CBX8: variants seen among roughly 807,000 people sequenced by gnomAD.
The protein encoded by CBX8 is chromobox 8.
Under a neutral mutation model 39.7 loss-of-function variants are expected in CBX8, and 8 were observed. That is an observed-to-expected ratio of 0.20 (90% CI 0.12 to 0.36). The LOEUF (loss-of-function observed/expected upper bound fraction) is 0.36. CBX8 is among the 10% of genes least tolerant of loss of function. CBX8 has a pLI of 1.00. For synonymous variants in CBX8, 268 were observed against 219.8 expected, an observed-to-expected ratio of 1.22 and a Z score of -1.94; for missense variants, 505 against 529.6, an observed-to-expected ratio of 0.95 and a Z score of 0.46.
intron 3 of CBX8, 33 bp from the exon 4 acceptor site, chr17:79,796,156 G>A: frequency 6.2e-7 from 1 of 1,613,130 alleles, no homozygotes; most frequent in Middle Eastern, 1.7e-4. Flanking sequence ...AAGGGTGCGT[G>A]AGTAAAGAAA....
In CBX8 at chr17:79,794,422, A is replaced by G. The variant is rs1907989686; in HGVS notation, c.*213T>C. 8.4e-6 allele frequency: 3 copies of G among 357,478 alleles called. 1 individual carries two copies. In the East Asian group the frequency reaches 1.3e-4, roughly 16 times the overall value. 22.1% of individuals were successfully genotyped at this position (357,478 alleles called of 1,614,324 possible). A position where few individuals can be genotyped will look rare whatever the true frequency, so the allele number is the denominator to read the frequency against. On this transcript the variant is annotated 3_prime_UTR_variant, in exon 5 of 5. Transcript: ENST00000269385. ...TTTAGATATTTTTCTTAAATAACAT[A>G]TTTACATCTAATAGAAAATATAACT...
At chr17:79,796,337 T>A in intron 2 of CBX8, 22 bp from the exon 3 acceptor site, 2 of 1,613,520 alleles carry the variant, frequency 1.2e-6, no homozygotes, top group Non-Finnish European at 1.7e-6. Flanking sequence ...CAGGAAGAAG[T>A]GGGCATCAGT....
At chr17:79,796,777 C>A (rs1265155420) in intron 1 of CBX8, among the ~76,000 whole-genome samples, 153 bp downstream of exon 1, 1 of 141,074 alleles carries the variant, frequency 7.1e-6, no homozygotes, top group Non-Finnish European at 1.5e-5. Flanking sequence ...AAGGAAAGCG[C>A]CTGGGCTCAG....
At position 79,795,344 on chromosome 17, in the gene CBX8, C is replaced by A; in HGVS notation, c.461G>T (p.Arg154Leu). Residue 154 changes from arginine (R) to leucine (L), a missense_variant, in exon 5 of 5, where the codon CGG becomes CTG. Arg to Leu is a moderately radical substitution (Grantham distance 102, BLOSUM62 -2). Coordinates refer to ENST00000269385, the MANE Select transcript of CBX8 (RefSeq NM_020649.3). The surrounding 1 kb of genome is among the most constrained non-coding windows in gnomAD (Gnocchi z 5.8). The part of the protein sequence containing the change: ...AEAPRDRDRD[R>L]DRDRERDRER... ...TCGATCCCGCTCCCGGTCCCTATCC[C>A]GGTCTCGGTCCCGGTCCCGAGGGGC... 1 of 1,588,926 alleles carries A rather than the reference C, an allele frequency of 6.3e-7. No individual in the cohort carries two copies. The highest frequency in any genetic ancestry group is 8.6e-7 in the Non-Finnish European group (1 of 1,167,632).
chr17:79,794,594 CTCTCTCCCCT>C lies in CBX8; in HGVS notation c.*31_*40del. 1 of 1,442,292 alleles carries C rather than the reference CTCTCTCCCCT, an allele frequency of 6.9e-7. No homozygotes were observed. The highest frequency in any genetic ancestry group is 9.4e-7 in the Non-Finnish European group (1 of 1,067,070). The allele number at this position is 1,442,292 out of a possible 1,614,324, so 89.3% of individuals were successfully genotyped here. On this transcript the variant is annotated 3_prime_UTR_variant, in exon 5 of 5. Transcript: ENST00000269385. ...AATCACTATGCCAAGCTCACGCTCA[CTCTCTCCCCT>C]GCTCTCCTCCTGGACACACCCACCC...
At position 79,792,891 on chromosome 17, in the gene CBX8, G is replaced by T. The variant is rs1310283859; in HGVS notation, c.*1744C>A. 7.5e-6 allele frequency: 1 copy of T among 133,924 alleles called. No individual in the cohort carries two copies. The highest frequency in any genetic ancestry group is 1.6e-5 in the Non-Finnish European group (1 of 61,644). The allele number at this position is 133,924 out of a possible 1,614,324, so 8.3% of individuals were successfully genotyped here. A position where few individuals can be genotyped will look rare whatever the true frequency, so the allele number is the denominator to read the frequency against. ...CCTCCCAGCACCCCCCACCCCACGCGAAGCTCCCCCACCCCCGACTCCCCG... is the reference window on the plus strand; with the variant it reads ...CCTCCCAGCACCCCCCACCCCACGCTAAGCTCCCCCACCCCCGACTCCCCG... On this transcript the variant is annotated 3_prime_UTR_variant, in exon 5 of 5. Coordinates refer to ENST00000269385, the MANE Select transcript of CBX8 (RefSeq NM_020649.3).
chr17:79,795,630 C>T lies in CBX8; in HGVS notation c.247-72G>A, dbSNP rs1032500846. On this transcript the variant is annotated intron_variant, in intron 4 of 4. Coordinates refer to ENST00000269385, the MANE Select transcript of CBX8 (RefSeq NM_020649.3). This position sits in a 1 kb window ranked among gnomAD's most constrained non-coding sequence, Gnocchi z 5.8. ...CCCCCACAGGACTCCTCCTCTATCC[C>T]TGACCTCCTATCTTTACCCTATGAT... 1.9e-6 allele frequency: 2 copies of T among 1,065,786 alleles called. No individual in the cohort carries two copies. The highest frequency in any genetic ancestry group is 2.5e-6 in the Non-Finnish European group (2 of 810,718). The allele number at this position is 1,065,786 out of a possible 1,614,324, so 66.0% of individuals were successfully genotyped here. A position where few individuals can be genotyped will look rare whatever the true frequency, so the allele number is the denominator to read the frequency against.
At position 79,794,694 on chromosome 17, in the gene CBX8, A is replaced by G. The variant is rs761806531; in HGVS notation, c.1111T>C (p.Leu371=). 3.1e-6 allele frequency: 5 copies of G among 1,596,510 alleles called. No homozygotes were observed. The highest frequency in any genetic ancestry group is 2.2e-5 in the East Asian group (1 of 44,826). ...VVVTDVTSNF[L]TVTIKESNTD... is the part of the protein sequence containing the mutation. ...TTACTTTCCTTAATGGTGACGGTCAAAAAGTTTGAGGTCACGTCCGTGACC... is the reference window on the plus strand; with the variant it reads ...TTACTTTCCTTAATGGTGACGGTCAGAAAGTTTGAGGTCACGTCCGTGACC... Residue 371 remains leucine (L), a synonymous_variant, in exon 5 of 5, where the codon TTG becomes CTG. Coordinates refer to ENST00000269385, the MANE Select transcript of CBX8 (RefSeq NM_020649.3).
Position 79,795,350 on chromosome 17 carries a change from C to T in CBX8, c.455G>A (p.Arg152Gln), listed in dbSNP as rs762352348. 10 of 1,588,332 alleles carry T rather than the reference C, an allele frequency of 6.3e-6. No individual in the cohort carries two copies. Among genetic ancestry groups the T allele is most frequent in the African/African-American group, 1.3e-5 (1 of 74,656 alleles). ...CRAEAPRDRDRDRDRDRERDR... is the reference protein window; with the variant it reads ...CRAEAPRDRDQDRDRDRERDR... ...CCGCTCCCGGTCCCTATCCCGGTCTCGGTCCCGGTCCCGAGGGGCCTCTGC... is the reference window on the plus strand; with the variant it reads ...CCGCTCCCGGTCCCTATCCCGGTCTTGGTCCCGGTCCCGAGGGGCCTCTGC... Residue 152 changes from arginine (R) to glutamine (Q), a missense_variant, in exon 5 of 5, where the codon CGA becomes CAA. Transcript: ENST00000269385. This position sits in a 1 kb window ranked among gnomAD's most constrained non-coding sequence, Gnocchi z 5.8.
chr17:79,795,878 C>T lies in CBX8; in HGVS notation c.246+179G>A, dbSNP rs59416856. ...AAAGGAATTCTAGTGTGGCCAAGCC[C>T]GTCCCCCCAGACACAGTTGGTGCTG... On this transcript the variant is annotated intron_variant, in intron 4 of 4. Coordinates refer to ENST00000269385, the MANE Select transcript of CBX8 (RefSeq NM_020649.3). The surrounding 1 kb of genome is among the most constrained non-coding windows in gnomAD (Gnocchi z 5.8). Among the ~76,000 whole-genome samples the T allele has an allele frequency of 0.092, 14,016 of 152,168 alleles. 736 individuals are homozygous for T. The highest frequency in any genetic ancestry group is 0.13 in the African/African-American group (5,459 of 41,498).
chr17:79,796,862 G>C lies in CBX8; in HGVS notation c.69+68C>G, dbSNP rs540201825. ...GGGAAGGGAAGCTGGGCTGCAGCAGGGGGAGGGAACCCGGGCCGGGAGGGG... is the reference window on the plus strand; with the variant it reads ...GGGAAGGGAAGCTGGGCTGCAGCAGCGGGAGGGAACCCGGGCCGGGAGGGG... On this transcript the variant is annotated intron_variant, in intron 1 of 4. Coordinates refer to ENST00000269385, the MANE Select transcript of CBX8 (RefSeq NM_020649.3). 1.1e-3 allele frequency: 1,559 copies of C among 1,442,938 alleles called. 2 individuals carry two copies. The highest frequency in any genetic ancestry group is 1.4e-3 in the Non-Finnish European group (1,507 of 1,057,122). The allele number at this position is 1,442,938 out of a possible 1,614,324, so 89.4% of individuals were successfully genotyped here.
At position 79,796,306 on chromosome 17, in the gene CBX8, T is replaced by A; in HGVS notation, c.123A>T (p.Thr41=). ...CCAGGATGTTTTCCTCCGGTTCCCATGTGCTGTACCTAAAGGGAATCAGGA... is the reference window on the plus strand; with the variant it reads ...CCAGGATGTTTTCCTCCGGTTCCCAAGTGCTGTACCTAAAGGGAATCAGGA... The part of the protein sequence containing the change: ...KWKGWSQKYS[T]WEPEENILDA... Residue 41 remains threonine (T), a synonymous_variant, in exon 3 of 5, where the codon ACA becomes ACT. Coordinates refer to ENST00000269385, the MANE Select transcript of CBX8 (RefSeq NM_020649.3). The A allele has an allele frequency of 6.2e-7, 1 of 1,614,138 alleles. No homozygotes were observed.
chr17:79,793,210 C>G lies in CBX8; in HGVS notation c.*1425G>C, dbSNP rs916156351. 2 of 152,232 alleles carry G rather than the reference C, an allele frequency of 1.3e-5. No individual in the cohort carries two copies. The highest frequency in any genetic ancestry group is 4.8e-5 in the African/African-American group (2 of 41,448). The allele number at this position is 152,232 out of a possible 1,614,324, so 9.4% of individuals were successfully genotyped here. On this transcript the variant is annotated 3_prime_UTR_variant, in exon 5 of 5. Coordinates refer to ENST00000269385, the MANE Select transcript of CBX8 (RefSeq NM_020649.3). Reference sequence around the variant, plus strand: ...CGGCCTTCCCCGCCGCGGCCGTCCCCACTCCCAACTCCCGCTCCTCCCTCC... The same window carrying G: ...CGGCCTTCCCCGCCGCGGCCGTCCCGACTCCCAACTCCCGCTCCTCCCTCC...
chr17:79,795,569 G>A lies in CBX8; in HGVS notation c.247-11C>T, dbSNP rs140597231. Reference sequence around the variant, plus strand: ...TGCCTTGGCCTGCGCCTGCAGGAGAGAAGATGGTCTCAAGAGTGGGGCAGG... The same window carrying A: ...TGCCTTGGCCTGCGCCTGCAGGAGAAAAGATGGTCTCAAGAGTGGGGCAGG... On this transcript the variant is annotated splice_polypyrimidine_tract_variant and intron_variant, in intron 4 of 4. Coordinates refer to ENST00000269385, the MANE Select transcript of CBX8 (RefSeq NM_020649.3). The surrounding 1 kb of genome is among the most constrained non-coding windows in gnomAD (Gnocchi z 5.8). 1,905 of 1,504,916 alleles carry A rather than the reference G, an allele frequency of 1.3e-3. 25 individuals are homozygous for A. In the African/African-American group the frequency reaches 0.023, roughly 18 times the overall value. 93.2% of individuals were successfully genotyped at this position (1,504,916 alleles called of 1,614,324 possible). A position where few individuals can be genotyped will look rare whatever the true frequency, so the allele number is the denominator to read the frequency against.
chr17:79,794,767 C>A lies in CBX8; in HGVS notation c.1038G>T (p.Pro346=). ...GGGAGGGGCTCCAGGACTCTTCCTC[C>A]GGGTCCCCCAGGATTCTGGCCACAG... The part of the protein sequence containing the change: ...RIPVARILGD[P]EEESWSPSLT... The change falls in exon 5 of 5, where the codon CCG becomes CCT. Residue 346 remains proline, a synonymous_variant. Transcript: ENST00000269385. 2 of 1,612,872 alleles carry A rather than the reference C, an allele frequency of 1.2e-6. No homozygotes were observed. Among genetic ancestry groups the A allele is most frequent in the South Asian group, 2.2e-5 (2 of 91,046 alleles).
In CBX8 at chr17:79,794,833, C is replaced by A; in HGVS notation, c.972G>T (p.Met324Ile). The A allele has an allele frequency of 6.2e-7, 1 of 1,609,596 alleles. No homozygotes were observed. Among genetic ancestry groups the A allele is most frequent in the East Asian group, 2.2e-5 (1 of 44,820 alleles). The change falls in exon 5 of 5, where the codon ATG becomes ATT. Residue 324 changes from methionine to isoleucine, a missense_variant. By Grantham distance (10) the Met-to-Ile change is conservative. Around this residue, in one of 3 missense-constraint regions of CBX8, gnomAD observed 456 missense variants for 389.2 expected, o/e 1.17. Transcript: ENST00000269385. The stretch of plus-strand genomic sequence containing the variant: ...GGGAGGGCCTTCCCCCCTGGGCCCC[C>A]ATGTCCCGGTACAGGCCCCCCCCAG... Reference protein sequence around the residue: ...PSSGGGLYRDMGAQGGRPSLI... With the variant: ...PSSGGGLYRDIGAQGGRPSLI...
Position 79,795,391 on chromosome 17 carries a change from G to A in CBX8, c.414C>T (p.Thr138=). Residue 138 remains threonine, a synonymous_variant, in exon 5 of 5, where the codon ACC becomes ACT. Coordinates refer to ENST00000269385, the MANE Select transcript of CBX8 (RefSeq NM_020649.3). The surrounding 1 kb of genome is among the most constrained non-coding windows in gnomAD (Gnocchi z 5.8). ...GGGCCTCTGCGCGGCAGGTGCTGCTGGTGCTGGTGCTGCTCGCTGGCGGGG... is the reference window on the plus strand; with the variant it reads ...GGGCCTCTGCGCGGCAGGTGCTGCTAGTGCTGGTGCTGCTCGCTGGCGGGG... ...GLSPPASSTS[T]SSTCRAEAPR... 1 of 1,601,254 alleles carries A rather than the reference G, an allele frequency of 6.2e-7. No individual in the cohort carries two copies.
rs1451771680 is a variant in CBX8 at position 79,795,196 on chromosome 17, G to T, written c.609C>A (p.Pro203=). The part of the protein sequence containing the change: ...GDSSKKRGPK[P]RKELPDPSQR... ...GTGAGGGGTCCGGGAGCTCCTTCCG[G>T]GGCTTGGGGCCTCGCTTCTTCGAGC... The change falls in exon 5 of 5, where the codon CCC becomes CCA. Residue 203 remains proline, a synonymous_variant. Coordinates refer to ENST00000269385, the MANE Select transcript of CBX8 (RefSeq NM_020649.3). The surrounding 1 kb of genome is among the most constrained non-coding windows in gnomAD (Gnocchi z 5.8). The T allele has an allele frequency of 1.2e-6, 2 of 1,613,320 alleles. No homozygotes were observed. Among genetic ancestry groups the T allele is most frequent in the South Asian group, 2.2e-5 (2 of 90,760 alleles).
chr17:79,796,066 G>A lies in CBX8; in HGVS notation c.237C>T (p.Phe79=). ...GACACTGCCAACCTACTTTGAGGAG[G>A]AAGGTTTTGGGCTTGGGTCCACGCT... The part of the protein sequence containing the change: ...PKKRGPKPKT[F]LLKAQAKAKA... The change falls in exon 4 of 5, where the codon TTC becomes TTT. Residue 79 remains phenylalanine (F), a synonymous_variant. Coordinates refer to ENST00000269385, the MANE Select transcript of CBX8 (RefSeq NM_020649.3). The A allele has an allele frequency of 4.3e-6, 7 of 1,614,110 alleles. No individual in the cohort carries two copies. The highest frequency in any genetic ancestry group is 2.2e-5 in the East Asian group (1 of 44,888).
Sources: gnomAD v4.1 joint callset for allele counts (sites outside exome capture counted in the v4.1 genomes callset) on GRCh38, gnomAD v4.1.1 for gene constraint, gnomAD v4.1.1 regional missense constraint, Gnocchi (gnomAD v3.1) non-coding constraint, MANE v1.5 for transcripts, NCBI Gene and HGNC (gene_info 2026-07-23, HGNC 2026-07-21) for gene names.